NKAIN3: variants seen among roughly 807,000 people sequenced by gnomAD.
NKAIN3 encodes sodium/potassium transporting ATPase interacting 3.
Under a neutral mutation model 30.2 loss-of-function variants are expected in NKAIN3, and 25 were observed. The observed-to-expected ratio is 0.83, with a 90% CI of 0.60 to 1.16. The LOEUF is 1.16. Ranked by LOEUF, NKAIN3 falls within the 50% of genes most tolerant of loss-of-function variation. The pLI is 0.00. For synonymous variants in NKAIN3, 91 were observed against 89.6 expected, an observed-to-expected ratio of 1.02 and a Z score of -0.09; for missense variants, 225 against 254.1, an observed-to-expected ratio of 0.89 and a Z score of 0.78.
chr8:62,927,199 C>T (rs796719627), intron 5 of NKAIN3, among the ~76,000 whole-genome samples: 8 of 152,272 alleles, frequency 5.3e-5, no homozygotes, highest in African/African-American at 1.9e-4. Context: ...CACTCACTCT[C>T]ATGCCTCCTG....
intron 1 of NKAIN3, among the ~76,000 whole-genome samples, chr8:62,524,783 G>A (rs1374510760): frequency 1.3e-5 from 2 of 151,868 alleles, no homozygotes; most frequent in African/African-American, 4.8e-5. Context: ...CATCCACGTT[G>A]GTTACTTGTT....
intron 3 of NKAIN3, among the ~76,000 whole-genome samples, chr8:62,697,200 A>G (rs921208924): frequency 6.6e-6 from 1 of 152,106 alleles, no homozygotes; most frequent in South Asian, 2.1e-4. Flanking sequence ...TCAACAGCCA[A>G]CAGAGCCCTA....
chr8:62,620,222 G>T (rs969154904), intron 3 of NKAIN3, among the ~76,000 whole-genome samples: 1 of 152,122 alleles, frequency 6.6e-6, no homozygotes, highest in African/African-American at 2.4e-5. Context: ...CTGTGTCCCT[G>T]TGTCTTCAGA....
chr8:62,882,663 AT>A (rs374969958), intron 4 of NKAIN3, among the ~76,000 whole-genome samples: 2,001 of 150,294 alleles, frequency 0.013, 27 homozygotes, highest in South Asian at 0.058. Context: ...GATCACCTAG[AT>A]TTTTTTTTTA....
intron 3 of NKAIN3, among the ~76,000 whole-genome samples, chr8:62,668,688 A>G (rs945243166): frequency 6.6e-6 from 1 of 152,222 alleles, no homozygotes; most frequent in Non-Finnish European, 1.5e-5. Context: ...CTTAAAAATA[A>G]ACCTGTGAAA....
rs1283882796 is a variant in NKAIN3 at position 62,973,805 on chromosome 8, A to G, written c.*8398A>G. ...GGGTTTTAATGGCTTTGGGTTTTAC[A>G]TTTAAGTTTTTAAGCCATCTTGAGT... On this transcript the variant is annotated 3_prime_UTR_variant, in exon 7 of 7. Coordinates refer to ENST00000623646, the MANE Select transcript of NKAIN3 (RefSeq NM_001304533.3). Among the ~76,000 whole-genome samples, 1 of 152,098 alleles carries G rather than the reference A, an allele frequency of 6.6e-6. No individual in the cohort carries two copies. Among genetic ancestry groups the G allele is most frequent in the Non-Finnish European group, 1.5e-5 (1 of 68,006 alleles).
intron 1 of NKAIN3, among the ~76,000 whole-genome samples, chr8:62,311,149 C>T (rs2129588655): frequency 6.7e-6 from 1 of 150,286 alleles, no homozygotes; most frequent in Admixed American, 6.6e-5. Flanking sequence ...AAACAAAAAA[C>T]AAAAAAATGG....
At chr8:62,652,586 G>T (rs1812657864) in intron 3 of NKAIN3, among the ~76,000 whole-genome samples, 1 of 152,132 alleles carries the variant, frequency 6.6e-6, no homozygotes, top group Non-Finnish European at 1.5e-5. Flanking sequence ...TATTTCTGAG[G>T]AGGTTTTAAA....
At chr8:62,506,942 A>T (rs912774898) in intron 1 of NKAIN3, among the ~76,000 whole-genome samples, 1 of 152,306 alleles carries the variant, frequency 6.6e-6, no homozygotes, top group Non-Finnish European at 1.5e-5. Context: ...GGTTAAAAGC[A>T]TCTTTTCCAT....
chr8:62,685,303 T>C (rs1292553037), intron 3 of NKAIN3, among the ~76,000 whole-genome samples: 4 of 152,220 alleles, frequency 2.6e-5, no homozygotes, highest in Non-Finnish European at 4.4e-5. Context: ...TCTATTATTA[T>C]GTCACTTGGT....
chr8:62,430,657 A>C (rs1335845471), intron 1 of NKAIN3, among the ~76,000 whole-genome samples: 1 of 151,740 alleles, frequency 6.6e-6, no homozygotes, highest in Non-Finnish European at 1.5e-5. Flanking sequence ...AAGGGTAGAC[A>C]TTTTTCTGAA....
chr8:62,810,932 G>A (rs935118929), intron 4 of NKAIN3, among the ~76,000 whole-genome samples: 15 of 151,974 alleles, frequency 9.9e-5, no homozygotes, highest in South Asian at 2.1e-4. Context: ...ATATCTTGCC[G>A]AACTATAGTA....
chr8:62,531,657 G>A (rs762903580), intron 1 of NKAIN3, among the ~76,000 whole-genome samples: 2 of 152,176 alleles, frequency 1.3e-5, no homozygotes, highest in Non-Finnish European at 2.9e-5. Context: ...GTGCAGAGTA[G>A]ATGGTGCATA....
intron 4 of NKAIN3, among the ~76,000 whole-genome samples, chr8:62,899,020 C>G (rs1586324004): frequency 1.3e-5 from 2 of 152,120 alleles, no homozygotes; most frequent in African/African-American, 2.4e-5. Flanking sequence ...CAAATCAAAA[C>G]TACAGTGGAA....
chr8:62,318,308 C>G (rs1487920151), intron 1 of NKAIN3, among the ~76,000 whole-genome samples: 1 of 152,050 alleles, frequency 6.6e-6, no homozygotes, highest in Non-Finnish European at 1.5e-5. Flanking sequence ...GAACGTCCAG[C>G]ACGTCCCATG....
chr8:62,466,581 A>C (rs1184416264), intron 1 of NKAIN3, among the ~76,000 whole-genome samples: 6 of 152,146 alleles, frequency 3.9e-5, no homozygotes, highest in African/African-American at 1.4e-4. Flanking sequence ...TGTGTTTAAT[A>C]GTATATTCTT....
chr8:62,607,214 G>T (rs771050276), intron 3 of NKAIN3, among the ~76,000 whole-genome samples: 3 of 152,134 alleles, frequency 2.0e-5, no homozygotes, highest in Non-Finnish European at 4.4e-5. Flanking sequence ...ACATATTCTT[G>T]ATTTAAAATG....
At chr8:62,389,831 A>T (rs931071263) in intron 1 of NKAIN3, among the ~76,000 whole-genome samples, 2 of 152,126 alleles carry the variant, frequency 1.3e-5, no homozygotes, top group African/African-American at 4.8e-5. Context: ...GTAGTGCCTT[A>T]TCTTAGATAA....
In NKAIN3 at chr8:62,418,306, C is replaced by T. The variant is rs558648307; in HGVS notation, c.55-161233C>T. Among the ~76,000 whole-genome samples the T allele has an allele frequency of 8.5e-4, 129 of 152,268 alleles. 3 individuals are homozygous for T. In the South Asian group the frequency reaches 0.02, roughly 23 times the overall value. On this transcript the variant is annotated intron_variant, in intron 1 of 6. Coordinates refer to ENST00000623646, the MANE Select transcript of NKAIN3 (RefSeq NM_001304533.3). The stretch of plus-strand genomic sequence containing the variant: ...TATGTAAAATTAGCTCCTCACACAA[C>T]TCAGCTACTTGAGTGTCCACCATTA...
Sources: allele counts gnomAD v4.1 joint callset (sites outside exome capture counted in the v4.1 genomes callset), GRCh38; gene constraint gnomAD v4.1.1; transcripts MANE v1.5; gene names NCBI Gene and HGNC (gene_info 2026-07-23, HGNC 2026-07-21).